The following DIAPH1 variants were observed in gnomAD, a reference collection of about 807,000 sequenced individuals.
DIAPH1 encodes the protein protein diaphanous homolog 1.
In DIAPH1, 46 loss-of-function variants were observed where a neutral mutation model predicts 140.7. That is an observed-to-expected ratio of 0.33 (90% CI 0.26 to 0.42). DIAPH1 has a LOEUF of 0.42. DIAPH1 is among the 10% of genes least tolerant of loss of function. The pLI is 1.00. For missense variants in DIAPH1, 1,310 were observed against 1,558.7 expected (o/e 0.84, Z 2.69); for synonymous variants, 565 against 551.6 (o/e 1.02, Z -0.34).
Position 141,576,948 on chromosome 5 carries a change from G to A in DIAPH1, c.1281-77C>T, listed in dbSNP as rs187083175. The A allele has an allele frequency of 1.9e-4, 172 of 914,132 alleles. 2 individuals carry two copies. Among genetic ancestry groups the A allele is most frequent in the South Asian group, 1.0e-3 (76 of 73,868 alleles). 56.6% of individuals were successfully genotyped at this position (914,132 alleles called of 1,614,324 possible). ...CAGAAGTATTCAGGACCAAGAAAAC[G>A]TAATTGCTCTGACAACTGAGAGACC... On this transcript the variant is annotated intron_variant, in intron 12 of 27. Transcript: ENST00000389054.
At position 141,529,008 on chromosome 5, in the gene DIAPH1, T is replaced by TGAGCCTCCG. The variant is rs1307524329; in HGVS notation, c.2779-68_2779-67insCGGAGGCTC. ...GGGAAGTCAGAAAAAGATACACGCT[T>TGAGCCTCCG]GAGCCTCCTATGGGAGGATCACAGC... is the stretch of plus-strand genomic sequence containing the variant. On this transcript the variant is annotated intron_variant, in intron 21 of 27. Coordinates refer to ENST00000389054, the MANE Select transcript of DIAPH1 (RefSeq NM_005219.5). 8.1e-6 allele frequency: 13 copies of TGAGCCTCCG among 1,611,012 alleles called. No individual in the cohort carries two copies. The African/African-American group carries it at 1.7e-4, about 21-fold the overall frequency.
chr5:141,541,684 CAAAA>C lies in DIAPH1; in HGVS notation c.2483-7255_2483-7252del, dbSNP rs145217158. On this transcript the variant is annotated intron_variant, in intron 18 of 27. Transcript: ENST00000389054. ...TGGGCAACAGAGCAAGATTCTGTCT[CAAAA>C]AAAAAAAAAAAAGAAAGAAAAAGAA... Among the ~76,000 whole-genome samples, 7 of 104,160 alleles carry C rather than the reference CAAAA, an allele frequency of 6.7e-5. No individual in the cohort carries two copies. The East Asian group carries it at 1.4e-3, about 21-fold the overall frequency. The allele number at this position is 104,160 out of a possible 152,430, so 68.3% of individuals were successfully genotyped here. A position where few individuals can be genotyped will look rare whatever the true frequency, so the allele number is the denominator to read the frequency against.
chr5:141,611,901 T>C (rs940705304), intron 1 of DIAPH1, among the ~76,000 whole-genome samples: 3 of 152,060 alleles, frequency 2.0e-5, no homozygotes, highest in Non-Finnish European at 4.4e-5. Flanking sequence ...ACCCCATCTC[T>C]ACTAAAAATA....
At chr5:141,575,802 A>AT (rs1428686904) in intron 14 of DIAPH1, among the ~76,000 whole-genome samples, 3 of 152,214 alleles carry the variant, frequency 2.0e-5, no homozygotes, top group African/African-American at 7.2e-5. Context: ...CAATCCCAAT[A>AT]TTCTCTAGGA....
At chr5:141,600,149 T>G (rs568817293) in intron 1 of DIAPH1, among the ~76,000 whole-genome samples, 157 of 152,234 alleles carry the variant, frequency 1.0e-3, no homozygotes, top group African/African-American at 3.7e-3. Flanking sequence ...GGCATGAAGG[T>G]GGAGGGGGCC....
chr5:141,590,368 G>C (rs1299959629), intron 1 of DIAPH1, among the ~76,000 whole-genome samples: 3 of 152,060 alleles, frequency 2.0e-5, no homozygotes. Context: ...CATGAGAAAG[G>C]GTCCACGGAA....
chr5:141,542,528 T>G (rs972906147), intron 18 of DIAPH1, among the ~76,000 whole-genome samples: 1 of 152,040 alleles, frequency 6.6e-6, no homozygotes, highest in Non-Finnish European at 1.5e-5. Flanking sequence ...TAAAAAGTAA[T>G]GAGCTACTGA....
intron 16 of DIAPH1, among the ~76,000 whole-genome samples, chr5:141,572,857 G>A (rs899931773): frequency 3.3e-5 from 5 of 152,036 alleles, no homozygotes; most frequent in African/African-American, 1.2e-4. Context: ...TTTGGGATCA[G>A]CACAATTATC....
chr5:141,522,567 G>A (rs1449057067), intron 27 of DIAPH1, among the ~76,000 whole-genome samples: 1 of 137,626 alleles, frequency 7.3e-6, no homozygotes, highest in Non-Finnish European at 1.5e-5. Context: ...CAGGCACTTA[G>A]CCGACGGGGT....
chr5:141,607,435 A>C (rs574428100), intron 1 of DIAPH1, among the ~76,000 whole-genome samples: 2 of 152,374 alleles, frequency 1.3e-5, no homozygotes, highest in South Asian at 4.1e-4. Flanking sequence ...TTTAAACTCC[A>C]TCTACGTAGC....
At chr5:141,614,165 T>C (rs569259210) in intron 1 of DIAPH1, among the ~76,000 whole-genome samples, 571 of 152,324 alleles carry the variant, frequency 3.7e-3, no homozygotes, top group African/African-American at 0.013. Flanking sequence ...AAAATGGGGA[T>C]GATTTTTGTA....
chr5:141,525,119 C>A (rs985045531), intron 26 of DIAPH1, among the ~76,000 whole-genome samples: 1 of 152,154 alleles, frequency 6.6e-6, no homozygotes, highest in Admixed American at 6.5e-5. Flanking sequence ...TTGGTGTGGG[C>A]TTTAATAGCA....
At chr5:141,534,557 C>T (rs1004720406) in intron 18 of DIAPH1, 124 bp from the exon 19 acceptor site, 1 of 745,074 alleles carries the variant, frequency 1.3e-6, no homozygotes, top group African/African-American at 1.7e-5. Flanking sequence ...CTATTGTATT[C>T]CTTCAAAACT....
intron 27 of DIAPH1, 81 bp downstream of exon 27, chr5:141,524,062 T>C: frequency 8.5e-7 from 1 of 1,169,942 alleles, no homozygotes; most frequent in Non-Finnish European, 1.3e-6. Flanking sequence ...CATCATTATT[T>C]GCTCTTTAGC....
intron 24 of DIAPH1, among the ~76,000 whole-genome samples, chr5:141,527,107 G>C (rs1217153128): frequency 6.6e-6 from 1 of 152,156 alleles, no homozygotes; most frequent in Non-Finnish European, 1.5e-5. Flanking sequence ...GTGAGCGTGT[G>C]TAGTGGAGAC....
At chr5:141,591,129 C>T (rs1200119396) in intron 1 of DIAPH1, among the ~76,000 whole-genome samples, 1 of 152,134 alleles carries the variant, frequency 6.6e-6, no homozygotes, top group East Asian at 1.9e-4. Context: ...ACTCCATCTT[C>T]GTCTCCAAAC....
At chr5:141,557,741 C>G (rs1021921987) in intron 18 of DIAPH1, 3 of 152,228 alleles carry the variant, frequency 2.0e-5, no homozygotes, top group Non-Finnish European at 4.4e-5. Context: ...TGTCCGGCAG[C>G]CAAACCATTT....
intron 1 of DIAPH1, among the ~76,000 whole-genome samples, chr5:141,591,010 T>C (rs186327525): frequency 1.9e-4 from 29 of 152,244 alleles, no homozygotes; most frequent in Non-Finnish European, 3.7e-4. Context: ...TGAAAAGCCT[T>C]CAATAACTCT....
intron 18 of DIAPH1, chr5:141,558,363 C>T (rs1156916113): frequency 2.0e-5 from 3 of 152,154 alleles, no homozygotes; most frequent in African/African-American, 7.2e-5. Context: ...GGAATCCCAC[C>T]GCTATAGCCT....
Sources: allele counts gnomAD v4.1 joint callset (sites outside exome capture counted in the v4.1 genomes callset), GRCh38; gene constraint gnomAD v4.1.1; transcripts MANE v1.5; gene names NCBI Gene and HGNC (gene_info 2026-07-23, HGNC 2026-07-21).